Variants in SH3BGRL2 observed in about 807,000 individuals in gnomAD.
SH3BGRL2 encodes the protein SH3 domain binding glutamate rich protein like 2.
In SH3BGRL2, 21 loss-of-function variants were observed where a neutral mutation model predicts 14.8. The observed-to-expected ratio is 1.42, with a 90% CI of 1.01 to 2.05. The LOEUF (loss-of-function observed/expected upper bound fraction) is 2.05, where lower values mean the gene tolerates loss of function less well. Ranked by LOEUF, SH3BGRL2 falls within the 30% of genes most tolerant of loss-of-function variation. The pLI is 0.00. For synonymous variants in SH3BGRL2, 50 were observed against 47.8 expected (o/e 1.05, Z -0.19); for missense variants, 147 against 130.8 (o/e 1.12, Z -0.61).
chr6:79,613,165 C>A, the SH3BGRL2 span, among the ~76,000 whole-genome samples: 2 of 152,150 alleles, frequency 1.3e-5, no homozygotes, highest in Non-Finnish European at 2.9e-5. Context: ...AGCTGATAAA[C>A]GATTTGACCA....
intron 1 of SH3BGRL2, among the ~76,000 whole-genome samples, chr6:79,669,880 T>A (rs1769738617): frequency 6.6e-6 from 1 of 152,146 alleles, no homozygotes; most frequent in Non-Finnish European, 1.5e-5. Flanking sequence ...GGTAAAAGTG[T>A]AAAATCAGGT....
At chr6:79,666,453 A>G (rs1312748769) in intron 1 of SH3BGRL2, among the ~76,000 whole-genome samples, 1 of 152,228 alleles carries the variant, frequency 6.6e-6, no homozygotes, top group African/African-American at 2.4e-5. Flanking sequence ...TGTCTGCCAC[A>G]GTACTTTCTG....
the SH3BGRL2 span, among the ~76,000 whole-genome samples, chr6:79,540,711 G>C: frequency 6.6e-6 from 1 of 152,046 alleles, no homozygotes; most frequent in Middle Eastern, 3.2e-3. Flanking sequence ...GCTGGTCATC[G>C]ATAGAATGAA....
At chr6:79,613,392 A>G in the SH3BGRL2 span, among the ~76,000 whole-genome samples, 2 of 152,184 alleles carry the variant, frequency 1.3e-5, no homozygotes, top group African/African-American at 4.8e-5. Context: ...AAACAGATTC[A>G]CTTCTGAATA....
chr6:79,577,950 G>A, the SH3BGRL2 span, among the ~76,000 whole-genome samples: 59 of 152,340 alleles, frequency 3.9e-4, no homozygotes, highest in African/African-American at 1.1e-3. Flanking sequence ...CTTAGCAACC[G>A]GCAGACAAGG....
chr6:79,636,057 A>C (rs189106554), intron 1 of SH3BGRL2, among the ~76,000 whole-genome samples: 73 of 152,316 alleles, frequency 4.8e-4, no homozygotes, highest in Non-Finnish European at 7.2e-4. Context: ...TACTCTAATA[A>C]CACGAATGAG....
the SH3BGRL2 span, among the ~76,000 whole-genome samples, chr6:79,582,699 C>T: frequency 2.0e-5 from 3 of 152,160 alleles, no homozygotes; most frequent in African/African-American, 7.2e-5. Flanking sequence ...AAAACCTAGG[C>T]AATACCATTC....
At chr6:79,627,083 C>T (rs141764861), upstream of SH3BGRL2, among the ~76,000 whole-genome samples, 221 of 152,222 alleles carry the variant, frequency 1.5e-3, 2 homozygotes, top group East Asian at 0.032. Flanking sequence ...TCTATTTCCC[C>T]GGGCCACAGA....
the SH3BGRL2 span, chr6:79,574,353 A>G: frequency 6.6e-6 from 1 of 152,204 alleles, no homozygotes; most frequent in Non-Finnish European, 1.5e-5. Flanking sequence ...TCTCTCCAGA[A>G]ATCAATTCAT....
intron 1 of SH3BGRL2, 108 bp downstream of exon 1, chr6:79,631,614 C>T (rs1262437060): frequency 9.7e-6 from 7 of 719,672 alleles, no homozygotes; most frequent in African/African-American, 1.9e-5. Flanking sequence ...GGTCCGCCCG[C>T]GGGAGCCCGC....
intron 2 of SH3BGRL2, among the ~76,000 whole-genome samples, chr6:79,679,841 G>A (rs966866363): frequency 6.6e-5 from 10 of 152,124 alleles, no homozygotes; most frequent in Admixed American, 6.5e-4. Context: ...GTGATGTTGA[G>A]CATCTTTTGA....
the SH3BGRL2 span, among the ~76,000 whole-genome samples, chr6:79,556,260 C>T: frequency 1.3e-5 from 2 of 152,044 alleles, no homozygotes; most frequent in Non-Finnish European, 2.9e-5. Flanking sequence ...AGACAAGAAA[C>T]TGAGGAAAAC....
the SH3BGRL2 span, among the ~76,000 whole-genome samples, chr6:79,593,671 G>A: frequency 6.6e-5 from 10 of 152,282 alleles, no homozygotes; most frequent in South Asian, 8.3e-4. Flanking sequence ...AGTCTTCATG[G>A]AGGTTTGTAG....
chr6:79,574,034 C>T, the SH3BGRL2 span: 1 of 152,074 alleles, frequency 6.6e-6, no homozygotes, highest in Non-Finnish European at 1.5e-5. Context: ...AATTTTTCTC[C>T]TGAGCCCCTT....
chr6:79,602,094 T>C, the SH3BGRL2 span, among the ~76,000 whole-genome samples: 3 of 152,190 alleles, frequency 2.0e-5, no homozygotes, highest in Non-Finnish European at 4.4e-5. Context: ...AACAAAAGTC[T>C]AAAATGAGTT....
At chr6:79,601,415 C>T in the SH3BGRL2 span, among the ~76,000 whole-genome samples, 1 of 152,284 alleles carries the variant, frequency 6.6e-6, no homozygotes, top group Non-Finnish European at 1.5e-5. Context: ...TGGCTGGTCT[C>T]CCACTCCTGG....
the SH3BGRL2 span, among the ~76,000 whole-genome samples, chr6:79,594,984 G>A: frequency 2.0e-4 from 31 of 152,264 alleles, no homozygotes; most frequent in African/African-American, 6.7e-4. Flanking sequence ...ATAACACTGA[G>A]GTTAAGAATC....
chr6:79,643,521 A>T (rs144583407), intron 1 of SH3BGRL2, among the ~76,000 whole-genome samples: 17 of 152,350 alleles, frequency 1.1e-4, no homozygotes, highest in African/African-American at 3.8e-4. Context: ...TCAGAGACTG[A>T]TGGAAGCTAA....
At chr6:79,664,232 C>G (rs2127730452) in intron 1 of SH3BGRL2, among the ~76,000 whole-genome samples, 1 of 152,336 alleles carries the variant, frequency 6.6e-6, no homozygotes, top group East Asian at 1.9e-4. Context: ...ATGCAGAAAT[C>G]ACCTGTCTTC....
Sources: allele counts gnomAD v4.1 joint callset (sites outside exome capture counted in the v4.1 genomes callset), GRCh38; gene constraint gnomAD v4.1.1; transcripts MANE v1.5; gene names NCBI Gene and HGNC (gene_info 2026-07-23, HGNC 2026-07-21).